Variants in ADGRV1 observed in about 807,000 individuals in gnomAD.
ADGRV1 encodes G-protein coupled receptor 98.
ADGRV1 carries 359 observed loss-of-function variants against 596.2 expected under a neutral mutation model. That is an observed-to-expected ratio of 0.60 (90% CI 0.55 to 0.66). The LOEUF (loss-of-function observed/expected upper bound fraction) is 0.66. ADGRV1 is among the 30% of genes least tolerant of loss of function. The probability of loss-of-function intolerance (pLI) is 0.00; values close to 1 mark genes in which losing one functional copy is unlikely to be tolerated. For missense variants in ADGRV1, 7,274 were observed against 7,575.6 expected (o/e 0.96, Z 1.48); for synonymous variants, 2,681 against 2,679.2 (o/e 1.00, Z -0.02).
At chr5:90,668,972 A>G (rs1463027624) in intron 21 of ADGRV1, among the ~76,000 whole-genome samples, 1 of 152,198 alleles carries the variant, frequency 6.6e-6, no homozygotes, top group Non-Finnish European at 1.5e-5. Flanking sequence ...AAACCATTAT[A>G]CATTTCTTAG....
At chr5:90,965,657 G>T in intron 84 of ADGRV1, 126 bp downstream of exon 84, 1 of 531,894 alleles carries the variant, frequency 1.9e-6, no homozygotes. Context: ...GCATTCTCAG[G>T]ATATAAATGA....
At chr5:91,035,852 ATATATATAT>A (rs1349415939) in intron 85 of ADGRV1, among the ~76,000 whole-genome samples, 9 of 86,998 alleles carry the variant, frequency 1.0e-4, no homozygotes, top group Admixed American at 5.5e-4. Context: ...GTGTATATAT[ATATATATAT>A]TATATATATA....
intron 86 of ADGRV1, among the ~76,000 whole-genome samples, chr5:91,079,447 G>T (rs779801505): frequency 1.3e-5 from 2 of 152,194 alleles, no homozygotes; most frequent in Non-Finnish European, 2.9e-5. Flanking sequence ...CTGCCTGGAA[G>T]ATGATGTGTA....
chr5:91,137,104 A>T (rs1363220644), intron 87 of ADGRV1, among the ~76,000 whole-genome samples: 1 of 152,158 alleles, frequency 6.6e-6, no homozygotes, highest in East Asian at 1.9e-4. Context: ...ATAAATATGT[A>T]TATGAAATTC....
intron 50 of ADGRV1, among the ~76,000 whole-genome samples, chr5:90,731,661 G>A (rs1282894761): frequency 6.6e-6 from 1 of 152,166 alleles, no homozygotes; most frequent in African/African-American, 2.4e-5. Context: ...GAATGTTGTG[G>A]TGCTGAGATT....
Position 90,644,719 on chromosome 5 carries a change from A to G in ADGRV1, c.2748A>G (p.Val916=). The change falls in exon 15 of 90, where the codon GTA becomes GTG. Residue 916 remains valine (V), a synonymous_variant. Coordinates refer to ENST00000405460, the MANE Select transcript of ADGRV1 (RefSeq NM_032119.4). ...TCCATTTCACAGCTGTTTATGATGT[A>G]GTAAGAAATCGAGGCAACTTTGGTG... ...GDAIYSAVYD[V]VRNRGNFGDV... is the part of the protein sequence containing the mutation. The G allele has an allele frequency of 6.2e-7, 1 of 1,608,718 alleles. No homozygotes were observed. The highest frequency in any genetic ancestry group is 2.2e-5 in the East Asian group (1 of 44,594).
chr5:91,155,515 G>T (rs1442630225), intron 89 of ADGRV1, among the ~76,000 whole-genome samples: 2 of 152,164 alleles, frequency 1.3e-5, no homozygotes, highest in Non-Finnish European at 2.9e-5. Flanking sequence ...TAGTCATTCC[G>T]CAATGGGAGG....
intron 5 of ADGRV1, among the ~76,000 whole-genome samples, chr5:90,623,359 G>A (rs1211649962): frequency 6.6e-6 from 1 of 151,984 alleles, no homozygotes; most frequent in African/African-American, 2.4e-5. Context: ...AAATACCCAT[G>A]GATTACTTAG....
chr5:90,778,284 T>C lies in ADGRV1; in HGVS notation c.12667-143T>C, dbSNP rs74694143. 6,419 of 769,142 alleles carry C rather than the reference T, an allele frequency of 8.3e-3. 42 individuals are homozygous for C. The highest frequency in any genetic ancestry group is 0.01 in the Non-Finnish European group (5,013 of 478,356). 47.6% of individuals were successfully genotyped at this position (769,142 alleles called of 1,614,324 possible). On this transcript the variant is annotated intron_variant, in intron 62 of 89. Transcript: ENST00000405460. ...AGGTTAATGTAACAGCATTTGGTAT[T>C]GTGGAGGTGCCTGTGTATGGGATTA...
intron 6 of ADGRV1, among the ~76,000 whole-genome samples, 176 bp from the exon 7 acceptor site, chr5:90,627,035 C>A (rs1764853999): frequency 6.6e-6 from 1 of 152,206 alleles, no homozygotes; most frequent in East Asian, 1.9e-4. Flanking sequence ...ACATTATTTA[C>A]CTGTGGAAAA....
intron 85 of ADGRV1, chr5:91,030,970 A>T: frequency 7.9e-7 from 1 of 1,270,896 alleles, no homozygotes; most frequent in Non-Finnish European, 1.1e-6. Flanking sequence ...CAAAGGAAAA[A>T]ACGTCGACTG....
rs938780853 is a variant in ADGRV1 at position 90,791,118 on chromosome 5, A to G, written c.14289A>G (p.Val4763=). The G allele has an allele frequency of 1.6e-5, 26 of 1,613,850 alleles. No homozygotes were observed. The highest frequency in any genetic ancestry group is 2.7e-5 in the African/African-American group (2 of 74,942). The change falls in exon 70 of 90, where the codon GTA becomes GTG. Residue 4763 remains valine (V), a synonymous_variant. Transcript: ENST00000405460. ...SVYANDDPHG[V]FALYSDRQSI... ...ATGCAAATGATGACCCACATGGAGT[A>G]TTTGCCCTGTATTCGGATCGCCAGT...
At chr5:91,146,369 A>G (rs1259451698) in intron 87 of ADGRV1, among the ~76,000 whole-genome samples, 1 of 152,244 alleles carries the variant, frequency 6.6e-6, no homozygotes, top group Non-Finnish European at 1.5e-5. Context: ...TGTCAGGAAC[A>G]GCAATACAAA....
At chr5:90,680,090 G>T (rs1744738823) in intron 26 of ADGRV1, among the ~76,000 whole-genome samples, 1 of 152,006 alleles carries the variant, frequency 6.6e-6, no homozygotes, top group Non-Finnish European at 1.5e-5. Flanking sequence ...AACAAATGGG[G>T]AGTAATCCCA....
chr5:90,637,650 TATC>T, intron 10 of ADGRV1, 72 bp from the exon 11 acceptor site: 1 of 1,049,404 alleles, frequency 9.5e-7, no homozygotes, highest in Non-Finnish European at 1.3e-6. Flanking sequence ...TACAAACTAA[TATC>T]AATACCAAAG....
chr5:90,694,582 T>G lies in ADGRV1; in HGVS notation c.7826T>G (p.Met2609Arg). 1.9e-6 allele frequency: 3 copies of G among 1,613,890 alleles called. No individual in the cohort carries two copies. Among genetic ancestry groups the G allele is most frequent in the Non-Finnish European group, 2.5e-6 (3 of 1,179,810 alleles). ...CAGCCCCAAACCTTGGTGGAGCTGA[T>G]GATACACAGGACAGGGGGCAGCTTA... ...QEQPQTLVELMIHRTGGSLGQ... is the reference protein window; with the variant it reads ...QEQPQTLVELRIHRTGGSLGQ... The change falls in exon 33 of 90, where the codon ATG becomes AGG. Residue 2609 changes from methionine (M) to arginine (R), a missense_variant. By Grantham distance (91) the Met-to-Arg change is moderately conservative. Around this residue, in one of 5 missense-constraint regions of ADGRV1, gnomAD observed 3,643 missense variants for 3,809.2 expected, o/e 0.96. Transcript: ENST00000405460.
chr5:90,913,309 C>T (rs1483616725), intron 83 of ADGRV1, among the ~76,000 whole-genome samples: 3 of 152,178 alleles, frequency 2.0e-5, no homozygotes, highest in African/African-American at 7.2e-5. Context: ...AGAATCAACA[C>T]TTTTATGAAT....
chr5:90,742,306 A>G (rs1179398931), intron 50 of ADGRV1, among the ~76,000 whole-genome samples: 2 of 152,182 alleles, frequency 1.3e-5, no homozygotes, highest in Non-Finnish European at 2.9e-5. Context: ...AAACTTACTT[A>G]AGGAAGAATC....
At chr5:91,150,009 C>CTTTTTTTTTTTT in intron 87 of ADGRV1, 21 bp from the exon 88 acceptor site, 2 of 1,288,694 alleles carry the variant, frequency 1.6e-6, no homozygotes, top group South Asian at 1.6e-5. Flanking sequence ...CTTTTCTTTT[C>CTTTTTTTTTTTT]TTTTTTTTTT....
Sources: gnomAD v4.1 joint callset for allele counts (sites outside exome capture counted in the v4.1 genomes callset) on GRCh38, gnomAD v4.1.1 for gene constraint, gnomAD v4.1.1 regional missense constraint, MANE v1.5 for transcripts, NCBI Gene and HGNC (gene_info 2026-07-23, HGNC 2026-07-21) for gene names.